MIB1: variants seen among roughly 807,000 people sequenced by gnomAD.
MIB1 encodes the protein MIB E3 ubiquitin protein ligase 1.
Under a neutral mutation model 124.5 loss-of-function variants are expected in MIB1, and 278 were observed. The ratio of observed to expected loss-of-function variants is 2.23; its 90% CI spans 2.02 to 2.47. MIB1 has a LOEUF of 2.47. MIB1 is among the 30% of genes most tolerant of loss of function. MIB1 has a pLI of 0.00. For synonymous variants in MIB1, 446 were observed against 429.4 expected (o/e 1.04, Z -0.48); for missense variants, 957 against 1,254.4 (o/e 0.76, Z 3.58).
chr18:21,794,402 G>A (rs2041549758), intron 7 of MIB1, among the ~76,000 whole-genome samples: 1 of 150,346 alleles, frequency 6.7e-6, no homozygotes, highest in Admixed American at 6.6e-5. Context: ...AAATAGGAAA[G>A]GTGAAAAGTA....
chr18:21,714,034 G>GT (rs1448542254), intron 1 of MIB1, among the ~76,000 whole-genome samples: 2 of 152,180 alleles, frequency 1.3e-5, no homozygotes, highest in Non-Finnish European at 2.9e-5. Flanking sequence ...CTTGCCCAGT[G>GT]TAACAAGATG....
In MIB1 at chr18:21,863,938, G is replaced by A. The variant is rs113485599; in HGVS notation, c.2881-588G>A. 3.3e-4 allele frequency among the ~76,000 whole-genome samples: 50 copies of A among 152,130 alleles called. 1 individual carries two copies. Among genetic ancestry groups the A allele is most frequent in the African/African-American group, 1.1e-3 (45 of 41,524 alleles). ...GTAGAATCACTTGAATCCAGGAGGCGGAGGTTGCAGTGAGCCGAGATTGCG... is the reference window on the plus strand; with the variant it reads ...GTAGAATCACTTGAATCCAGGAGGCAGAGGTTGCAGTGAGCCGAGATTGCG... On this transcript the variant is annotated intron_variant, in intron 20 of 20. Transcript: ENST00000261537.
At chr18:21,763,341 C>T (rs1034051487) in intron 1 of MIB1, among the ~76,000 whole-genome samples, 1 of 152,058 alleles carries the variant, frequency 6.6e-6, no homozygotes, top group African/African-American at 2.4e-5. Context: ...TAATTTCTAG[C>T]GTAACTCTAT....
intron 1 of MIB1, among the ~76,000 whole-genome samples, chr18:21,713,742 T>C (rs1042258045): frequency 2.0e-5 from 3 of 149,550 alleles, no homozygotes; most frequent in Non-Finnish European, 4.4e-5. Flanking sequence ...TTACCATGCC[T>C]GCACCCCTCT....
chr18:21,840,639 A>T (rs1224679961), intron 13 of MIB1, among the ~76,000 whole-genome samples: 1 of 3,408 alleles, frequency 2.9e-4, no homozygotes, highest in Non-Finnish European at 6.9e-4. Flanking sequence ...ATATATATAT[A>T]TATATATATA....
At chr18:21,843,309 A>G in intron 14 of MIB1, 92 bp downstream of exon 14, 1 of 783,070 alleles carries the variant, frequency 1.3e-6, no homozygotes, top group Non-Finnish European at 2.0e-6. Flanking sequence ...ACAGTGTTAC[A>G]TGTCTCAAGC....
chr18:21,711,269 A>G (rs1034480911), intron 1 of MIB1, among the ~76,000 whole-genome samples: 13 of 151,918 alleles, frequency 8.6e-5, no homozygotes, highest in African/African-American at 3.1e-4. Flanking sequence ...CCCACATTTT[A>G]TTTATTTATT....
chr18:21,741,906 G>A lies in MIB1; in HGVS notation c.229+94G>A. 8.8e-7 allele frequency: 1 copy of A among 1,134,268 alleles called. No homozygotes were observed. Among genetic ancestry groups the A allele is most frequent in the African/African-American group, 1.6e-5 (1 of 63,148 alleles). The allele number at this position is 1,134,268 out of a possible 1,614,324, so 70.3% of individuals were successfully genotyped here. A position where few individuals can be genotyped will look rare whatever the true frequency, so the allele number is the denominator to read the frequency against. ...TGTCGCGGGGAGAGGTCTGCAGTGG[G>A]ACACCTGGTGGGCAGCGCCCGGCTG... On this transcript the variant is annotated intron_variant, in intron 1 of 20. Coordinates refer to ENST00000261537, the MANE Select transcript of MIB1 (RefSeq NM_020774.4). This position sits in a 1 kb window ranked among gnomAD's most constrained non-coding sequence, Gnocchi z 5.4.
In MIB1 at chr18:21,842,246, G is replaced by A. The variant is rs143573548; in HGVS notation, c.1963-885G>A. ...CCAAAGTTTCAGCTCTGCATACCCC[G>A]CCAGTATCAAGAGTTGTAACCAGAG... On this transcript the variant is annotated intron_variant, in intron 13 of 20. Transcript: ENST00000261537. Among the ~76,000 whole-genome samples the A allele has an allele frequency of 4.6e-5, 7 of 151,980 alleles. No individual in the cohort carries two copies. The East Asian group carries it at 9.7e-4, about 21-fold the overall frequency.
intron 6 of MIB1, among the ~76,000 whole-genome samples, chr18:21,780,011 C>T (rs1481872955): frequency 6.6e-6 from 1 of 151,962 alleles, no homozygotes; most frequent in African/African-American, 2.4e-5. Context: ...CTTAAAAGTT[C>T]TGTGTTCGTA....
At chr18:21,785,594 A>AT (rs1476967344) in intron 6 of MIB1, among the ~76,000 whole-genome samples, 1 of 152,066 alleles carries the variant, frequency 6.6e-6, no homozygotes, top group Non-Finnish European at 1.5e-5. Flanking sequence ...TGCCGTAGTT[A>AT]TTTTTTTGAT....
chr18:21,862,758 G>C (rs1441331780), intron 20 of MIB1, among the ~76,000 whole-genome samples: 1 of 152,134 alleles, frequency 6.6e-6, no homozygotes, highest in Non-Finnish European at 1.5e-5. Context: ...TTCCAAGTGG[G>C]AATGATACCA....
At chr18:21,800,656 CTG>C (rs1351944424) in intron 9 of MIB1, among the ~76,000 whole-genome samples, 12 of 152,064 alleles carry the variant, frequency 7.9e-5, no homozygotes, top group African/African-American at 2.9e-4. Context: ...ATCATTCTCA[CTG>C]TGTTGTAAGG....
chr18:21,770,771 A>G (rs999362061), intron 3 of MIB1, among the ~76,000 whole-genome samples: 4 of 152,196 alleles, frequency 2.6e-5, no homozygotes, highest in African/African-American at 7.2e-5. Flanking sequence ...AGTAGAAAGT[A>G]TAGTATAATA....
chr18:21,705,841 G>C (rs367618776), intron 1 of MIB1, among the ~76,000 whole-genome samples: 1 of 152,070 alleles, frequency 6.6e-6, no homozygotes, highest in East Asian at 1.9e-4. Flanking sequence ...AATCTGTAGC[G>C]TAACAATTTC....
intron 10 of MIB1, among the ~76,000 whole-genome samples, chr18:21,815,213 G>A (rs563451778): frequency 1.3e-5 from 2 of 151,148 alleles, no homozygotes; most frequent in African/African-American, 2.4e-5. Context: ...CTGTTGCCCC[G>A]GTCAGAGTGC....
intron 1 of MIB1, among the ~76,000 whole-genome samples, chr18:21,762,557 C>G (rs908920460): frequency 2.6e-5 from 4 of 152,036 alleles, no homozygotes; most frequent in African/African-American, 9.7e-5. Flanking sequence ...ATGGGATTAG[C>G]CTTTGTGGTT....
Position 21,741,517 on chromosome 18 carries a change from C to T in MIB1, c.-67C>T. ...GAGTCCGGCCCGGGCCCAACTCCCT[C>T]ACGGGCCCCCCGGCGGCAGCGGCGG... On this transcript the variant is annotated 5_prime_UTR_variant, in exon 1 of 21. Coordinates refer to ENST00000261537, the MANE Select transcript of MIB1 (RefSeq NM_020774.4). This position sits in a 1 kb window ranked among gnomAD's most constrained non-coding sequence, Gnocchi z 5.4. The T allele has an allele frequency of 8.2e-7, 1 of 1,222,922 alleles. No homozygotes were observed. Among genetic ancestry groups the T allele is most frequent in the Non-Finnish European group, 1.0e-6 (1 of 959,798 alleles). 75.8% of individuals were successfully genotyped at this position (1,222,922 alleles called of 1,614,324 possible).
rs1206774593 is a variant in MIB1, at chr18:21,869,723, C to T, written c.*5057C>T. Reference sequence around the variant, plus strand: ...GCATCTGGGAAGAGGAGATCGAGGCCACAGTTTGCTATTTTAGTATGAAAG... The same window carrying T: ...GCATCTGGGAAGAGGAGATCGAGGCTACAGTTTGCTATTTTAGTATGAAAG... On this transcript the variant is annotated 3_prime_UTR_variant, in exon 21 of 21. Coordinates refer to ENST00000261537, the MANE Select transcript of MIB1 (RefSeq NM_020774.4). 1.3e-5 allele frequency: 2 copies of T among 152,302 alleles called. No homozygotes were observed. The highest frequency in any genetic ancestry group is 3.4e-3 in the Middle Eastern group (1 of 294). 9.4% of individuals were successfully genotyped at this position (152,302 alleles called of 1,614,324 possible).
Sources: gnomAD v4.1 joint callset for allele counts (sites outside exome capture counted in the v4.1 genomes callset) on GRCh38, gnomAD v4.1.1 for gene constraint, Gnocchi (gnomAD v3.1) non-coding constraint, MANE v1.5 for transcripts, NCBI Gene and HGNC (gene_info 2026-07-23, HGNC 2026-07-21) for gene names.